TIPARP: variants seen among roughly 807,000 people sequenced by gnomAD.
TIPARP encodes the protein TCDD inducible poly(ADP-ribose) polymerase.
In TIPARP, 12 loss-of-function variants were observed where a neutral mutation model predicts 56.5. The ratio of observed to expected loss-of-function variants is 0.21; its 90% CI spans 0.14 to 0.34. The LOEUF is 0.34. Among genes scored for constraint, TIPARP ranks in the 10% least tolerant of loss-of-function variants. TIPARP has a pLI of 1.00. For synonymous variants in TIPARP, 296 were observed against 265.7 expected, an observed-to-expected ratio of 1.11 and a Z score of -1.11; for missense variants, 604 against 781.6, an observed-to-expected ratio of 0.77 and a Z score of 2.71.
At chr3:156,704,136 T>C (rs1294266931) in intron 5 of TIPARP, among the ~76,000 whole-genome samples, 1 of 152,254 alleles carries the variant, frequency 6.6e-6, no homozygotes, top group East Asian at 1.9e-4. Flanking sequence ...TTGACTGACA[T>C]ATAATCCTCA....
chr3:156,694,081 C>G lies in TIPARP; in HGVS notation c.979C>G (p.Gln327Glu), dbSNP rs762517684. The G allele has an allele frequency of 6.2e-7, 1 of 1,613,182 alleles. No individual in the cohort carries two copies. Among genetic ancestry groups the G allele is most frequent in the Non-Finnish European group, 8.5e-7 (1 of 1,179,640 alleles). ...CGTGTATGAAACAACTGAATTTGAC[C>G]AACTACGAAGGCTGTCCACACCACC... Reference protein sequence around the residue: ...MNVYETTEFDQLRRLSTPPSS... With the variant: ...MNVYETTEFDELRRLSTPPSS... The change falls in exon 3 of 6, where the codon CAA becomes GAA. Residue 327 changes from glutamine to glutamate, a missense_variant. Transcript: ENST00000295924.
intron 2 of TIPARP, among the ~76,000 whole-genome samples, chr3:156,685,453 A>G (rs1722407779): frequency 6.6e-6 from 1 of 152,234 alleles, no homozygotes. Flanking sequence ...GTGTACCACA[A>G]AAAGTTGTGT....
At chr3:156,701,424 C>T (rs781139373) in intron 4 of TIPARP, among the ~76,000 whole-genome samples, 1 of 152,106 alleles carries the variant, frequency 6.6e-6, no homozygotes, top group South Asian at 2.1e-4. Context: ...CTTTTTCTTT[C>T]AAACCAGAAG....
rs1025996669 is a variant in TIPARP at position 156,676,681 on chromosome 3, C to T, written c.-41-976C>T. ...TTGCTCATCACCATTCCTTTCTCACCTGGCACAATCTCAGTAAATGTTTTC... is the reference window on the plus strand; with the variant it reads ...TTGCTCATCACCATTCCTTTCTCACTTGGCACAATCTCAGTAAATGTTTTC... On this transcript the variant is annotated intron_variant, in intron 1 of 5. Coordinates refer to ENST00000295924, the MANE Select transcript of TIPARP (RefSeq NM_015508.5). 3 of 152,280 alleles carry T rather than the reference C, an allele frequency of 2.0e-5. No homozygotes were observed. The East Asian group carries it at 5.8e-4, about 29-fold the overall frequency. 9.4% of individuals were successfully genotyped at this position (152,280 alleles called of 1,614,324 possible).
chr3:156,694,774 A>G lies in TIPARP; in HGVS notation c.1086+586A>G, dbSNP rs1436941057. 2.0e-5 allele frequency among the ~76,000 whole-genome samples: 3 copies of G among 152,356 alleles called. No individual in the cohort carries two copies. The East Asian group carries it at 5.8e-4, about 29-fold the overall frequency. ...ATGATGATGGTTTACTTTGCTTCTGAATGACAATTCTGAGTCATTTAAACA... is the reference window on the plus strand; with the variant it reads ...ATGATGATGGTTTACTTTGCTTCTGGATGACAATTCTGAGTCATTTAAACA... On this transcript the variant is annotated intron_variant, in intron 3 of 5. Transcript: ENST00000295924.
chr3:156,686,711 A>C (rs1395132181), intron 2 of TIPARP, among the ~76,000 whole-genome samples: 1 of 152,196 alleles, frequency 6.6e-6, no homozygotes, highest in Non-Finnish European at 1.5e-5. Context: ...AGCAGAAATA[A>C]ATTAAGCTAA....
At chr3:156,697,388 T>G (rs925398864) in intron 4 of TIPARP, among the ~76,000 whole-genome samples, 1 of 151,402 alleles carries the variant, frequency 6.6e-6, no homozygotes, top group African/African-American at 2.4e-5. Flanking sequence ...GCGTCTGTTT[T>G]TATCTCATGA....
At chr3:156,700,120 T>C (rs1481852665) in intron 4 of TIPARP, among the ~76,000 whole-genome samples, 1 of 152,076 alleles carries the variant, frequency 6.6e-6, no homozygotes, top group Non-Finnish European at 1.5e-5. Flanking sequence ...TTAAAACTTT[T>C]TTAGAGACAG....
At chr3:156,693,365 T>C (rs1722626179) in intron 2 of TIPARP, among the ~76,000 whole-genome samples, 1 of 152,154 alleles carries the variant, frequency 6.6e-6, no homozygotes, top group Admixed American at 6.6e-5. Context: ...AAAGGAATGA[T>C]TCAGCAGCAG....
In TIPARP at chr3:156,705,165, A is replaced by G. The variant is rs1722949825; in HGVS notation, c.*34A>G. ...GGTACTGCTAAATTATTTGATATGA[A>G]CTCAATCCAGCATTTGTAGCAGGTT... On this transcript the variant is annotated 3_prime_UTR_variant, in exon 6 of 6. Transcript: ENST00000295924. 1.5e-6 allele frequency: 2 copies of G among 1,372,508 alleles called. No individual in the cohort carries two copies. The highest frequency in any genetic ancestry group is 2.0e-6 in the Non-Finnish European group (2 of 1,017,242). The allele number at this position is 1,372,508 out of a possible 1,614,324, so 85.0% of individuals were successfully genotyped here. A position where few individuals can be genotyped will look rare whatever the true frequency, so the allele number is the denominator to read the frequency against.
At position 156,706,705 on chromosome 3, in the gene TIPARP, CT is replaced by C. The variant is rs1722991403; in HGVS notation, c.*1577del. ...TTTTTCTCCCTAAGGAAAAAGAAAGCTTTATGACATATTTATTTTTTTAATA... is the reference window on the plus strand; with the variant it reads ...TTTTTCTCCCTAAGGAAAAAGAAAGCTTATGACATATTTATTTTTTTAATA... On this transcript the variant is annotated 3_prime_UTR_variant, in exon 6 of 6. Coordinates refer to ENST00000295924, the MANE Select transcript of TIPARP (RefSeq NM_015508.5). The C allele has an allele frequency of 6.6e-6, 1 of 152,242 alleles. No individual in the cohort carries two copies. The highest frequency in any genetic ancestry group is 1.5e-5 in the Non-Finnish European group (1 of 67,934). 9.4% of individuals were successfully genotyped at this position (152,242 alleles called of 1,614,324 possible).
Position 156,705,282 on chromosome 3 carries a change from T to TA in TIPARP, c.*161dup, listed in dbSNP as rs879227495. ...TTAAAGTGCTAGAAAATGCTTTTTT[T>TA]AAAAAAAAAATACAAGTTTTAAAAT... On this transcript the variant is annotated 3_prime_UTR_variant, in exon 6 of 6. Coordinates refer to ENST00000295924, the MANE Select transcript of TIPARP (RefSeq NM_015508.5). The TA allele has an allele frequency of 2.3e-3, 1,139 of 505,606 alleles. 1 individual carries two copies. Among genetic ancestry groups the TA allele is most frequent in the South Asian group, 7.2e-3 (268 of 37,092 alleles). The allele number at this position is 505,606 out of a possible 1,614,324, so 31.3% of individuals were successfully genotyped here. A position where few individuals can be genotyped will look rare whatever the true frequency, so the allele number is the denominator to read the frequency against.
chr3:156,681,539 T>C (rs150841858), intron 2 of TIPARP, among the ~76,000 whole-genome samples: 1 of 152,310 alleles, frequency 6.6e-6, no homozygotes, highest in African/African-American at 2.4e-5. Context: ...GCTTTGCAAA[T>C]GTATTGGATT....
chr3:156,694,882 G>A (rs1183674803), intron 3 of TIPARP, among the ~76,000 whole-genome samples: 1 of 152,130 alleles, frequency 6.6e-6, no homozygotes, highest in Non-Finnish European at 1.5e-5. Context: ...CATTACAAAA[G>A]GGGGGAACAA....
chr3:156,678,266 A>G lies in TIPARP; in HGVS notation c.569A>G (p.Gln190Arg), dbSNP rs1577033145. Residue 190 changes from glutamine (Q) to arginine (R), a missense_variant, in exon 2 of 6, where the codon CAA becomes CGA. By Grantham distance (43) the Gln-to-Arg change is conservative. Coordinates refer to ENST00000295924, the MANE Select transcript of TIPARP (RefSeq NM_015508.5). Reference sequence around the variant, plus strand: ...ATAGATTATGTTCCAGGCATTTTCCAAGAAAACAGTTTTACAATCCAATAC... The same window carrying G: ...ATAGATTATGTTCCAGGCATTTTCCGAGAAAACAGTTTTACAATCCAATAC... ...KVIDYVPGIF[Q>R]ENSFTIQYIL... 11 of 1,614,196 alleles carry G rather than the reference A, an allele frequency of 6.8e-6. No individual in the cohort carries two copies. The highest frequency in any genetic ancestry group is 5.3e-5 in the African/African-American group (4 of 75,070).
At chr3:156,679,821 A>T (rs1722245000) in intron 2 of TIPARP, among the ~76,000 whole-genome samples, 1 of 152,212 alleles carries the variant, frequency 6.6e-6, no homozygotes, top group Admixed American at 6.5e-5. Context: ...AAATGGTTGC[A>T]GTAAACCATT....
chr3:156,682,090 CA>C (rs1358722170), intron 2 of TIPARP, among the ~76,000 whole-genome samples: 2 of 152,166 alleles, frequency 1.3e-5, no homozygotes, highest in African/African-American at 4.8e-5. Flanking sequence ...CTCTCTTTAG[CA>C]AACAAGATCA....
At chr3:156,678,729 C>A (rs747752162) in intron 2 of TIPARP, 115 bp downstream of exon 2, 1 of 895,276 alleles carries the variant, frequency 1.1e-6, no homozygotes, top group Non-Finnish European at 1.6e-6. Flanking sequence ...TTTTTTTCCA[C>A]TATTATTCTT....
chr3:156,702,062 G>GGTGGTT (rs1722859593), intron 4 of TIPARP, among the ~76,000 whole-genome samples: 9 of 145,688 alleles, frequency 6.2e-5, no homozygotes, highest in Non-Finnish European at 9.2e-5. Flanking sequence ...TGGTGGTGGT[G>GGTGGTT]GTGGTGGTGG....
Sources: allele counts gnomAD v4.1 joint callset (sites outside exome capture counted in the v4.1 genomes callset), GRCh38; gene constraint gnomAD v4.1.1; transcripts MANE v1.5; gene names NCBI Gene and HGNC (gene_info 2026-07-23, HGNC 2026-07-21).